NUFIP1: variants seen among roughly 807,000 people sequenced by gnomAD.
NUFIP1 encodes the protein FMR1-interacting protein NUFIP1.
Under a neutral mutation model 56.2 loss-of-function variants are expected in NUFIP1, and 38 were observed. The observed-to-expected ratio is 0.68, with a 90% CI of 0.52 to 0.89. The LOEUF is 0.89. Ranked by LOEUF, NUFIP1 falls within the 40% of genes least tolerant of loss-of-function variation. The pLI, the probability that NUFIP1 is intolerant of heterozygous loss-of-function variation, is 0.00. For synonymous variants in NUFIP1, 215 were observed against 212.4 expected (o/e 1.01, Z -0.10); for missense variants, 567 against 605.8 (o/e 0.94, Z 0.67).
At chr13:44,974,668 C>T (rs1278582635) in intron 5 of NUFIP1, among the ~76,000 whole-genome samples, 2 of 152,178 alleles carry the variant, frequency 1.3e-5, no homozygotes, top group South Asian at 2.1e-4. Flanking sequence ...CTTCCTGCCT[C>T]GGTCTCCTGA....
Position 44,989,266 on chromosome 13 carries a change from G to A in NUFIP1, c.171C>T (p.Ala57=). ...GCGACTCAGAGGAAGGCTTTGACCCGGCTGCGGGAAGCGAGGACGTAAGTG... is the reference window on the plus strand; with the variant it reads ...GCGACTCAGAGGAAGGCTTTGACCCAGCTGCGGGAAGCGAGGACGTAAGTG... The part of the protein sequence containing the change: ...PPPLTSSLPA[A]GSKPSSESQP... Residue 57 remains alanine (A), a synonymous_variant, in exon 1 of 10, where the codon GCC becomes GCT. Transcript: ENST00000379161. 3 of 1,613,494 alleles carry A rather than the reference G, an allele frequency of 1.9e-6. No homozygotes were observed. Among genetic ancestry groups the A allele is most frequent in the South Asian group, 1.1e-5 (1 of 90,970 alleles).
intron 7 of NUFIP1, among the ~76,000 whole-genome samples, chr13:44,954,692 A>G (rs1175087528): frequency 6.6e-6 from 1 of 152,156 alleles, no homozygotes; most frequent in East Asian, 1.9e-4. Context: ...CTAGCCCAAG[A>G]TTTGCAATTA....
chr13:44,978,085 T>C (rs1872051899), intron 5 of NUFIP1, among the ~76,000 whole-genome samples: 1 of 152,194 alleles, frequency 6.6e-6, no homozygotes, highest in Non-Finnish European at 1.5e-5. Flanking sequence ...TTCACCCTTA[T>C]CCAACTCTTT....
Position 44,980,717 on chromosome 13 carries a change from C to T in NUFIP1, c.594+5G>A, listed in dbSNP as rs1872156771. 6.3e-7 allele frequency: 1 copy of T among 1,580,330 alleles called. No homozygotes were observed. The highest frequency in any genetic ancestry group is 8.6e-7 in the Non-Finnish European group (1 of 1,163,388). On this transcript the variant is annotated splice_donor_5th_base_variant and intron_variant, in intron 3 of 9. Coordinates refer to ENST00000379161, the MANE Select transcript of NUFIP1 (RefSeq NM_012345.3). ...ATCAGTTTCAGGACAACTAAGAAAA[C>T]CTACTTTTGTATGTTCAGACATGTG...
intron 6 of NUFIP1, among the ~76,000 whole-genome samples, chr13:44,963,673 A>G (rs1458784254): frequency 2.0e-5 from 3 of 152,242 alleles, no homozygotes; most frequent in Admixed American, 2.0e-4. Context: ...TGTGATAAAT[A>G]AACATGCTCC....
chr13:44,957,196 T>C (rs936310880), intron 7 of NUFIP1, among the ~76,000 whole-genome samples: 20 of 152,166 alleles, frequency 1.3e-4, no homozygotes, highest in African/African-American at 4.6e-4. Flanking sequence ...CAAAACAAAA[T>C]TATTTGAGAT....
intron 7 of NUFIP1, among the ~76,000 whole-genome samples, chr13:44,957,131 T>G (rs1231881551): frequency 6.6e-6 from 1 of 152,188 alleles, no homozygotes; most frequent in Non-Finnish European, 1.5e-5. Flanking sequence ...ACACTCGAAA[T>G]AGGCATGTTC....
At chr13:44,946,176 A>G (rs1188085204) in intron 8 of NUFIP1, among the ~76,000 whole-genome samples, 1 of 152,176 alleles carries the variant, frequency 6.6e-6, no homozygotes, top group Non-Finnish European at 1.5e-5. Context: ...ATCAGAGCTT[A>G]TAATTGTCAA....
At chr13:44,942,967 T>TAA (rs397959012) in intron 9 of NUFIP1, among the ~76,000 whole-genome samples, 6 of 105,114 alleles carry the variant, frequency 5.7e-5, no homozygotes, top group East Asian at 5.2e-4. Flanking sequence ...CCTCAACTCT[T>TAA]AAAAAAAAAA....
In NUFIP1 at chr13:44,979,878, A is replaced by G. The variant is rs3783150; in HGVS notation, c.657+12T>C. 0.048 allele frequency: 76,517 copies of G among 1,579,278 alleles called. 4,409 individuals are homozygous for G. Among genetic ancestry groups the G allele is most frequent in the African/African-American group, 0.27 (19,563 of 72,836 alleles). On this transcript the variant is annotated intron_variant, in intron 4 of 9. Coordinates refer to ENST00000379161, the MANE Select transcript of NUFIP1 (RefSeq NM_012345.3). ...CATGTATTTAAAAATAGGATAAAAA[A>G]ACAGAACTTACATTTCTCCAATGGA...
chr13:44,978,709 G>T (rs1269795433), intron 5 of NUFIP1, among the ~76,000 whole-genome samples: 1 of 152,006 alleles, frequency 6.6e-6, no homozygotes, highest in East Asian at 1.9e-4. Context: ...TTATTTAGCG[G>T]TAAGCCTGGG....
At chr13:44,979,833 T>C in intron 4 of NUFIP1, 57 bp downstream of exon 4, 1 of 1,250,652 alleles carries the variant, frequency 8.0e-7, no homozygotes, top group Non-Finnish European at 1.1e-6. Context: ...GTTGTGAAGA[T>C]AACAGATCAA....
At chr13:44,949,867 C>T in intron 7 of NUFIP1, 29 bp from the exon 8 acceptor site, 2 of 1,384,030 alleles carry the variant, frequency 1.4e-6, no homozygotes, top group Non-Finnish European at 1.0e-6. Context: ...AGATTCAAAA[C>T]ATCTACCACC....
At chr13:44,956,955 C>T (rs1368560222) in intron 7 of NUFIP1, among the ~76,000 whole-genome samples, 2 of 152,140 alleles carry the variant, frequency 1.3e-5, no homozygotes, top group Admixed American at 6.5e-5. Flanking sequence ...ATTTAAATGA[C>T]AGCTTTCCTA....
Position 44,982,172 on chromosome 13 carries a change from CATAA to C in NUFIP1, c.413-22_413-19del. On this transcript the variant is annotated intron_variant, in intron 1 of 9. Coordinates refer to ENST00000379161, the MANE Select transcript of NUFIP1 (RefSeq NM_012345.3). ...ATTTTTAACTAAAAAAAAAAAGATC[CATAA>C]ATGTTTGCAACAATGTAATTATTTA... 1 of 1,177,352 alleles carries C rather than the reference CATAA, an allele frequency of 8.5e-7. No homozygotes were observed. Among genetic ancestry groups the C allele is most frequent in the Non-Finnish European group, 1.2e-6 (1 of 859,840 alleles). The allele number at this position is 1,177,352 out of a possible 1,614,324, so 72.9% of individuals were successfully genotyped here. A position where few individuals can be genotyped will look rare whatever the true frequency, so the allele number is the denominator to read the frequency against.
At chr13:44,972,641 T>C (rs1330930245) in intron 5 of NUFIP1, among the ~76,000 whole-genome samples, 1 of 152,198 alleles carries the variant, frequency 6.6e-6, no homozygotes, top group African/African-American at 2.4e-5. Context: ...ATGTACAATA[T>C]ACATTAAGAT....
In NUFIP1 at chr13:44,982,071, C is replaced by T; in HGVS notation, c.495+1G>A. The T allele has an allele frequency of 1.4e-6, 2 of 1,475,954 alleles. No homozygotes were observed. Among genetic ancestry groups the T allele is most frequent in the African/African-American group, 2.9e-5 (2 of 70,072 alleles). The allele number at this position is 1,475,954 out of a possible 1,614,324, so 91.4% of individuals were successfully genotyped here. On this transcript the variant is annotated splice_donor_variant, in intron 2 of 9. Coordinates refer to ENST00000379161, the MANE Select transcript of NUFIP1 (RefSeq NM_012345.3). LOFTEE classifies it high-confidence loss of function. ...CAAATTCAAGAACATCTTTCAAATA[C>T]CTTTTTTTTCTGTTTTCTACTGGGA...
chr13:44,959,902 T>C (rs1221502349), intron 6 of NUFIP1, among the ~76,000 whole-genome samples: 4 of 152,086 alleles, frequency 2.6e-5, no homozygotes, highest in Non-Finnish European at 5.9e-5. Flanking sequence ...TATTTCATTC[T>C]TCTATTGTAC....
At chr13:44,956,845 C>G (rs1357935651) in intron 7 of NUFIP1, among the ~76,000 whole-genome samples, 1 of 151,998 alleles carries the variant, frequency 6.6e-6, no homozygotes, top group African/African-American at 2.4e-5. Context: ...AGGAACTGTA[C>G]CAGGTACCAG....
Sources: gnomAD v4.1 joint callset for allele counts (sites outside exome capture counted in the v4.1 genomes callset) on GRCh38, gnomAD v4.1.1 for gene constraint, MANE v1.5 for transcripts, NCBI Gene and HGNC (gene_info 2026-07-23, HGNC 2026-07-21) for gene names.